The following AGAP1 variants were observed in gnomAD, a reference collection of about 807,000 sequenced individuals.
AGAP1 encodes ArfGAP with GTPase domain, ankyrin repeat and PH domain 1.
Under a neutral mutation model 105.3 loss-of-function variants are expected in AGAP1, and 29 were observed. The ratio of observed to expected loss-of-function variants is 0.28; its 90% confidence interval spans 0.21 to 0.38. AGAP1 has a LOEUF of 0.38. Ranked by LOEUF, AGAP1 falls within the 10% of genes least tolerant of loss-of-function variation. The probability of loss-of-function intolerance (pLI) is 1.00; values close to 1 mark genes in which losing one functional copy is unlikely to be tolerated. For missense variants in AGAP1, 998 were observed against 1,165.1 expected, an observed-to-expected ratio of 0.86 and a Z score of 2.09; for synonymous variants, 509 against 485.9, an observed-to-expected ratio of 1.05 and a Z score of -0.63.
chr2:235,495,645 CAGG>C (rs1448862724), intron 1 of AGAP1, among the ~76,000 whole-genome samples: 1 of 152,234 alleles, frequency 6.6e-6, no homozygotes, highest in Admixed American at 6.5e-5. Context: ...CATGGCCTTC[CAGG>C]AGAGCTACAG....
chr2:235,682,495 A>G (rs899731462), intron 1 of AGAP1, among the ~76,000 whole-genome samples: 10 of 151,828 alleles, frequency 6.6e-5, no homozygotes, highest in African/African-American at 2.2e-4. Flanking sequence ...GGTGTCTGCC[A>G]CCATGCCTGG....
In AGAP1 at chr2:235,573,054, C is replaced by CTTTCTTCT. The variant is rs753415836; in HGVS notation, c.163+78207_163+78208insTCTTCTTT. Among the ~76,000 whole-genome samples, 14 of 22,180 alleles carry CTTTCTTCT rather than the reference C, an allele frequency of 6.3e-4. 2 individuals are homozygous for CTTTCTTCT. Among genetic ancestry groups the CTTTCTTCT allele is most frequent in the South Asian group, 2.0e-3 (1 of 490 alleles). 14.6% of individuals were successfully genotyped at this position (22,180 alleles called of 152,430 possible). On this transcript the variant is annotated intron_variant, in intron 1 of 17. Transcript: ENST00000304032. The stretch of plus-strand genomic sequence containing the variant: ...TCTTCTTCTTCTTCTTCTTCTTCTT[C>CTTTCTTCT]TTCTTCTTTCTTCTTTCTTCTTTCT...
In AGAP1 at chr2:235,951,574, C is replaced by T. The variant is rs906338500; in HGVS notation, c.1484-16888C>T. 6.6e-5 allele frequency among the ~76,000 whole-genome samples: 10 copies of T among 152,168 alleles called. No homozygotes were observed. The highest frequency in any genetic ancestry group is 2.6e-4 in the Admixed American group (4 of 15,280). ...ACATATTAATAGTTGCACTGAGAAA[C>T]AGGCGTAAACAGAGGTTGTCCCGGG... On this transcript the variant is annotated intron_variant, in intron 12 of 17. Transcript: ENST00000304032. This position sits in a 1 kb window ranked among gnomAD's most constrained non-coding sequence, Gnocchi z 4.2.
intron 1 of AGAP1, among the ~76,000 whole-genome samples, chr2:235,589,194 GTTTTTTTTTTTTTT>G (rs928149334): frequency 1.7e-5 from 1 of 59,616 alleles, no homozygotes; most frequent in East Asian, 6.8e-4. Context: ...TTATTGTTTT[GTTTTTTTTTTTTTT>G]TTTTTTTTTT....
chr2:236,106,702 G>A (rs758536903), intron 16 of AGAP1, among the ~76,000 whole-genome samples: 4 of 152,210 alleles, frequency 2.6e-5, no homozygotes, highest in Non-Finnish European at 4.4e-5. Flanking sequence ...CAGGCCATGG[G>A]CTCATTTTCC....
Position 236,123,852 on chromosome 2 carries a change from A to G in AGAP1, c.2371-67A>G, listed in dbSNP as rs1236609721. The G allele has an allele frequency of 6.3e-6, 10 of 1,587,898 alleles. No individual in the cohort carries two copies. The highest frequency in any genetic ancestry group is 1.3e-5 in the African/African-American group (1 of 74,458). On this transcript the variant is annotated intron_variant, in intron 17 of 17. Transcript: ENST00000304032. The surrounding 1 kb of genome is among the most constrained non-coding windows in gnomAD (Gnocchi z 4.6). ...AAGCCACATGCAAGGGCTGAGAGAA[A>G]GCTTCCCTGCCCCCTCCCTCCATCA...
At chr2:235,558,029 G>C (rs1364994928) in intron 1 of AGAP1, among the ~76,000 whole-genome samples, 1 of 152,216 alleles carries the variant, frequency 6.6e-6, no homozygotes, top group Non-Finnish European at 1.5e-5. Flanking sequence ...ACCTGGGGCA[G>C]AGTCCATCTG....
chr2:236,087,234 A>G lies in AGAP1; in HGVS notation c.2115-32958A>G, dbSNP rs2058953004. On this transcript the variant is annotated intron_variant, in intron 16 of 17. Transcript: ENST00000304032. This position sits in a 1 kb window ranked among gnomAD's most constrained non-coding sequence, Gnocchi z 5.7. ...GCTGTGATTGACAGGCCTTCTCATT[A>G]TGGAGCCCATCAGGGGACAGGGCAT... Among the ~76,000 whole-genome samples, 1 of 151,836 alleles carries G rather than the reference A, an allele frequency of 6.6e-6. No individual in the cohort carries two copies. Among genetic ancestry groups the G allele is most frequent in the Non-Finnish European group, 1.5e-5 (1 of 67,982 alleles).
chr2:235,574,889 G>A lies in AGAP1; in HGVS notation c.163+80040G>A, dbSNP rs1944682841. Among the ~76,000 whole-genome samples the A allele has an allele frequency of 6.6e-6, 1 of 152,186 alleles. No individual in the cohort carries two copies. Among genetic ancestry groups the A allele is most frequent in the African/African-American group, 2.4e-5 (1 of 41,452 alleles). On this transcript the variant is annotated intron_variant, in intron 1 of 17. Transcript: ENST00000304032. The surrounding 1 kb of genome is among the most constrained non-coding windows in gnomAD (Gnocchi z 5.0). The stretch of plus-strand genomic sequence containing the variant: ...TGTAATTCTAGCACTTAGGGAGGCC[G>A]AGGCAAATGGATCACTTGAGCTCAG...
At position 235,882,404 on chromosome 2, in the gene AGAP1, C is replaced by A. The variant is rs149040480; in HGVS notation, c.1051-941C>A. On this transcript the variant is annotated intron_variant, in intron 9 of 17. Transcript: ENST00000304032. This position sits in a 1 kb window ranked among gnomAD's most constrained non-coding sequence, Gnocchi z 4.6. ...GCTTCTGCCCAGTGGTCTCTTTGGT[C>A]GGCAGGGTGTTCTTCTCCTGCGTCT... The A allele has an allele frequency of 1.5e-3, 2,406 of 1,579,594 alleles. 38 individuals carry two copies. The African/African-American group carries it at 0.029, about 19-fold the overall frequency.
In AGAP1 at chr2:235,662,401, G is replaced by A. The variant is rs1029616955; in HGVS notation, c.164-46778G>A. ...CTTCAGCCACACTCCTAGGGACAGA[G>A]TGCGTCCATGGAGGGGAGGACTCAC... On this transcript the variant is annotated intron_variant, in intron 1 of 17. Transcript: ENST00000304032. The surrounding 1 kb of genome is among the most constrained non-coding windows in gnomAD (Gnocchi z 4.2). 6.6e-6 allele frequency among the ~76,000 whole-genome samples: 1 copy of A among 152,220 alleles called. No homozygotes were observed. The highest frequency in any genetic ancestry group is 1.5e-5 in the Non-Finnish European group (1 of 68,040).
At chr2:235,647,461 C>T (rs1410964284) in intron 1 of AGAP1, among the ~76,000 whole-genome samples, 1 of 152,116 alleles carries the variant, frequency 6.6e-6, no homozygotes, top group East Asian at 1.9e-4. Flanking sequence ...AGTCATAGCT[C>T]ACTGCAGCCT....
Position 236,123,221 on chromosome 2 carries a change from A to T in AGAP1, c.2371-698A>T, listed in dbSNP as rs769006111. ...CCTGCATAGCTGGGACCACAGGCAT[A>T]TGCCACGTGCCCAGCTAATTTTTTT... On this transcript the variant is annotated intron_variant, in intron 17 of 17. Coordinates refer to ENST00000304032, the MANE Select transcript of AGAP1 (RefSeq NM_001037131.3). This position sits in a 1 kb window ranked among gnomAD's most constrained non-coding sequence, Gnocchi z 4.6. Among the ~76,000 whole-genome samples the T allele has an allele frequency of 6.6e-6, 1 of 152,112 alleles. No individual in the cohort carries two copies. The highest frequency in any genetic ancestry group is 1.5e-5 in the Non-Finnish European group (1 of 68,016).
Position 235,964,053 on chromosome 2 carries a change from G to T in AGAP1, c.1484-4409G>T, listed in dbSNP as rs1342304641. Among the ~76,000 whole-genome samples, 1 of 152,214 alleles carries T rather than the reference G, an allele frequency of 6.6e-6. No individual in the cohort carries two copies. Among genetic ancestry groups the T allele is most frequent in the African/African-American group, 2.4e-5 (1 of 41,456 alleles). On this transcript the variant is annotated intron_variant, in intron 12 of 17. Transcript: ENST00000304032. This position sits in a 1 kb window ranked among gnomAD's most constrained non-coding sequence, Gnocchi z 4.6. ...ACAGGGGAGGCGAGCACTGGTGGTT[G>T]CCCTGGGCACAGGCATGCTAGTTAG...
chr2:235,692,536 C>T lies in AGAP1; in HGVS notation c.164-16643C>T, dbSNP rs933027127. Among the ~76,000 whole-genome samples the T allele has an allele frequency of 2.0e-5, 3 of 152,130 alleles. No individual in the cohort carries two copies. The highest frequency in any genetic ancestry group is 6.6e-5 in the Admixed American group (1 of 15,264). On this transcript the variant is annotated intron_variant, in intron 1 of 17. Coordinates refer to ENST00000304032, the MANE Select transcript of AGAP1 (RefSeq NM_001037131.3). This position sits in a 1 kb window ranked among gnomAD's most constrained non-coding sequence, Gnocchi z 5.8. ...ACTCCAGCCCCAGCATCAAACCATACTTCGCCCTGCTGCCCCTATGCTCTC... is the reference window on the plus strand; with the variant it reads ...ACTCCAGCCCCAGCATCAAACCATATTTCGCCCTGCTGCCCCTATGCTCTC...
intron 11 of AGAP1, among the ~76,000 whole-genome samples, chr2:235,926,954 G>T (rs1306021559): frequency 6.6e-6 from 1 of 152,154 alleles, no homozygotes; most frequent in Non-Finnish European, 1.5e-5. Flanking sequence ...ATTTTTAAAT[G>T]AAATCTCCCA....
intron 1 of AGAP1, among the ~76,000 whole-genome samples, chr2:235,497,411 CTG>C (rs1941364484): frequency 2.0e-5 from 3 of 152,214 alleles, no homozygotes; most frequent in Non-Finnish European, 4.4e-5. Flanking sequence ...TAAAGTCTAA[CTG>C]TTTCCAATCA....
In AGAP1 at chr2:235,972,072, C is replaced by T. The variant is rs549348281; in HGVS notation, c.1645+3449C>T. 4.7e-4 allele frequency among the ~76,000 whole-genome samples: 71 copies of T among 152,130 alleles called. 1 individual carries two copies. The highest frequency in any genetic ancestry group is 1.8e-4 in the Non-Finnish European group (12 of 68,034). On this transcript the variant is annotated intron_variant, in intron 13 of 17. Transcript: ENST00000304032. Reference sequence around the variant, plus strand: ...GACTACAGGCGTGAGCCACCACACCCGGCCTATATTTTATGTTTTGAGAAT... The same window carrying T: ...GACTACAGGCGTGAGCCACCACACCTGGCCTATATTTTATGTTTTGAGAAT...
intron 9 of AGAP1, among the ~76,000 whole-genome samples, chr2:235,822,904 C>T (rs2138496): frequency 6.6e-6 from 1 of 152,172 alleles, no homozygotes; most frequent in African/African-American, 2.4e-5. Context: ...GGATGGATGG[C>T]TATTGATTTC....
Sources: gnomAD v4.1 joint callset for allele counts (sites outside exome capture counted in the v4.1 genomes callset) on GRCh38, gnomAD v4.1.1 for gene constraint, Gnocchi (gnomAD v3.1) non-coding constraint, MANE v1.5 for transcripts, NCBI Gene and HGNC (gene_info 2026-07-23, HGNC 2026-07-21) for gene names.